HTR1F: variants seen among roughly 807,000 people sequenced by gnomAD.
HTR1F encodes 5-hydroxytryptamine receptor 1F, also known as 5-hydroxytryptamine (serotonin) receptor 1F, G protein-coupled.
HTR1F carries 17 observed loss-of-function variants against 24.0 expected under a neutral mutation model. The observed-to-expected ratio is 0.71, with a 90% CI of 0.48 to 1.06. The LOEUF (loss-of-function observed/expected upper bound fraction) is 1.06. Ranked by LOEUF, HTR1F falls within the 50% of genes least tolerant of loss-of-function variation. HTR1F has a pLI of 0.00. For synonymous variants in HTR1F, 186 were observed against 156.8 expected (o/e 1.19, Z -1.39); for missense variants, 391 against 427.8 (o/e 0.91, Z 0.76).
At chr3:87,859,812 A>C (rs1387178610) in intron 2 of HTR1F, among the ~76,000 whole-genome samples, 4 of 152,210 alleles carry the variant, frequency 2.6e-5, no homozygotes, top group Non-Finnish European at 4.4e-5. Flanking sequence ...AACTGAGGCA[A>C]GTTCAGTCTC....
rs142977172 is a variant in HTR1F at position 87,853,217 on chromosome 3, C to T, written c.-43+31093C>T. Among the ~76,000 whole-genome samples the T allele has an allele frequency of 3.9e-5, 6 of 152,094 alleles. No homozygotes were observed. In the East Asian group the frequency reaches 7.7e-4, roughly 20 times the overall value. ...ATTTTTCCAGATCCTCTCCCCACTC[C>T]CACTCCCACCCTCCACCCTCAAGTA... is the stretch of plus-strand genomic sequence containing the variant. On this transcript the variant is annotated intron_variant, in intron 2 of 2. Transcript: ENST00000319595.
intron 2 of HTR1F, among the ~76,000 whole-genome samples, chr3:87,944,984 T>A (rs1224612143): frequency 1.3e-5 from 2 of 152,172 alleles, no homozygotes; most frequent in Non-Finnish European, 2.9e-5. Context: ...GGTTTTAAGT[T>A]TACCCTGGCT....
chr3:87,819,849 G>T (rs1034740468), intron 1 of HTR1F, among the ~76,000 whole-genome samples: 1 of 151,866 alleles, frequency 6.6e-6, no homozygotes, highest in African/African-American at 2.4e-5. Context: ...AAAAATTTAT[G>T]ATTACTGTTG....
At chr3:87,974,544 T>G (rs1705352836) in intron 2 of HTR1F, among the ~76,000 whole-genome samples, 1 of 116,756 alleles carries the variant, frequency 8.6e-6, no homozygotes, top group African/African-American at 2.9e-5. Context: ...AAAAAAAGGT[T>G]TAGATGCCTG....
At chr3:87,977,760 TCA>T (rs10600310) in intron 2 of HTR1F, among the ~76,000 whole-genome samples, 1 of 151,358 alleles carries the variant, frequency 6.6e-6, no homozygotes, top group Non-Finnish European at 1.5e-5. Flanking sequence ...TTTCCTGAGC[TCA>T]CACACACTAT....
At chr3:87,929,025 T>C (rs1704195001) in intron 2 of HTR1F, among the ~76,000 whole-genome samples, 1 of 152,208 alleles carries the variant, frequency 6.6e-6, no homozygotes, top group African/African-American at 2.4e-5. Context: ...CATTTTTCTC[T>C]TCACATCACC....
rs1347781462 is a variant in HTR1F, at chr3:87,843,516, T to C, written c.-43+21392T>C. 2.0e-5 allele frequency among the ~76,000 whole-genome samples: 3 copies of C among 151,120 alleles called. 1 individual carries two copies. Among genetic ancestry groups the C allele is most frequent in the South Asian group, 4.2e-4 (2 of 4,816 alleles). ...ACCATCCTGACTTTCTTTTTCTTTT[T>C]TTTTTTTTAATTTATTTATTTTATT... On this transcript the variant is annotated intron_variant, in intron 2 of 2. Transcript: ENST00000319595.
rs375258455 is a variant in HTR1F, at chr3:87,879,288, G to A, written c.-43+57164G>A. On this transcript the variant is annotated intron_variant, in intron 2 of 2. Coordinates refer to ENST00000319595, the MANE Select transcript of HTR1F (RefSeq NM_001322209.2). ...TTCCCAATTAAAATATTCACCCTGA[G>A]AGTATAATGCATTTAATCATATTTT... Among the ~76,000 whole-genome samples, 13 of 152,160 alleles carry A rather than the reference G, an allele frequency of 8.5e-5. 1 individual carries two copies. The highest frequency in any genetic ancestry group is 7.7e-4 in the East Asian group (4 of 5,198).
intron 2 of HTR1F, among the ~76,000 whole-genome samples, chr3:87,950,195 T>C (rs952941319): frequency 4.6e-5 from 7 of 152,200 alleles, no homozygotes; most frequent in African/African-American, 1.7e-4. Flanking sequence ...ATAAGAGATC[T>C]GCCCACATGA....
intron 2 of HTR1F, among the ~76,000 whole-genome samples, chr3:87,839,188 T>C (rs1184737820): frequency 1.3e-5 from 2 of 152,002 alleles, no homozygotes; most frequent in African/African-American, 2.4e-5. Flanking sequence ...TTTTTTCCAA[T>C]AGTTTTACAA....
intron 2 of HTR1F, among the ~76,000 whole-genome samples, chr3:87,870,359 G>A (rs1453550376): frequency 6.6e-6 from 1 of 152,072 alleles, no homozygotes; most frequent in East Asian, 1.9e-4. Flanking sequence ...AACTAAGACA[G>A]TAACTTAATA....
At chr3:87,896,405 A>G (rs1441953817) in intron 2 of HTR1F, among the ~76,000 whole-genome samples, 1 of 152,192 alleles carries the variant, frequency 6.6e-6, no homozygotes, top group African/African-American at 2.4e-5. Context: ...TCATTACATG[A>G]TGTTGCCCAA....
chr3:87,891,400 T>A (rs1706083652), intron 2 of HTR1F, among the ~76,000 whole-genome samples: 1 of 152,172 alleles, frequency 6.6e-6, no homozygotes, highest in Admixed American at 6.5e-5. Flanking sequence ...CTTATGAACC[T>A]CATTAATTCA....
chr3:87,944,802 A>G (rs528356800), intron 2 of HTR1F, among the ~76,000 whole-genome samples: 26 of 152,342 alleles, frequency 1.7e-4, no homozygotes, highest in African/African-American at 6.3e-4. Context: ...TTGCCACTAC[A>G]GATTCAATGG....
intron 2 of HTR1F, among the ~76,000 whole-genome samples, chr3:87,825,872 G>T (rs1367645389): frequency 6.6e-6 from 1 of 152,140 alleles, no homozygotes; most frequent in Non-Finnish European, 1.5e-5. Flanking sequence ...GACAGGCAGG[G>T]TTTTAGATCC....
At chr3:87,849,020 T>C (rs1033938043) in intron 2 of HTR1F, among the ~76,000 whole-genome samples, 1 of 151,418 alleles carries the variant, frequency 6.6e-6, no homozygotes, top group African/African-American at 2.5e-5. Context: ...ACCGTGAAAA[T>C]GGCCATACTG....
intron 2 of HTR1F, among the ~76,000 whole-genome samples, chr3:87,830,114 A>G (rs890801566): frequency 1.3e-5 from 2 of 152,158 alleles, no homozygotes; most frequent in African/African-American, 4.8e-5. Flanking sequence ...TAAAAACAAA[A>G]TCTTCTTGGG....
At chr3:87,829,351 G>A (rs1227922551) in intron 2 of HTR1F, among the ~76,000 whole-genome samples, 1 of 152,140 alleles carries the variant, frequency 6.6e-6, no homozygotes, top group Non-Finnish European at 1.5e-5. Context: ...TATGTAACAA[G>A]CAGAATCTGA....
intron 2 of HTR1F, among the ~76,000 whole-genome samples, chr3:87,831,982 C>T (rs760169831): frequency 2.4e-4 from 37 of 152,164 alleles, no homozygotes; most frequent in African/African-American, 8.7e-4. Flanking sequence ...ATTAACAGTA[C>T]GATAGGTACT....
Sources: allele counts gnomAD v4.1 joint callset (sites outside exome capture counted in the v4.1 genomes callset), GRCh38; gene constraint gnomAD v4.1.1; transcripts MANE v1.5; gene names NCBI Gene and HGNC (gene_info 2026-07-23, HGNC 2026-07-21).